The following ATXN7L1 variants were observed in gnomAD, a reference collection of about 807,000 sequenced individuals.
ATXN7L1 encodes ataxin 7 like 1.
Under a neutral mutation model 70.8 loss-of-function variants are expected in ATXN7L1, and 15 were observed. The observed-to-expected ratio is 0.21, with a 90% CI of 0.14 to 0.33. The LOEUF is 0.33. ATXN7L1 is among the 10% of genes least tolerant of loss of function. The pLI is 1.00. For missense variants in ATXN7L1, 975 were observed against 1,097.1 expected, an observed-to-expected ratio of 0.89 and a Z score of 1.57; for synonymous variants, 440 against 445.1, an observed-to-expected ratio of 0.99 and a Z score of 0.14.
chr7:105,611,928 C>T (rs1319004590), intron 10 of ATXN7L1, among the ~76,000 whole-genome samples: 1 of 152,212 alleles, frequency 6.6e-6, no homozygotes, highest in Non-Finnish European at 1.5e-5. Context: ...TGACAAGCAC[C>T]GAGGTATCAC....
intron 2 of ATXN7L1, among the ~76,000 whole-genome samples, chr7:105,806,153 T>C (rs1299775517): frequency 1.3e-5 from 2 of 152,082 alleles, no homozygotes; most frequent in Non-Finnish European, 1.5e-5. Flanking sequence ...GCAGGTTACA[T>C]GGTGCTAGAG....
rs183288712 is a variant in ATXN7L1, at chr7:105,840,525, C to T, written c.250+35287G>A. 8.5e-5 allele frequency among the ~76,000 whole-genome samples: 13 copies of T among 152,282 alleles called. 1 individual carries two copies. The highest frequency in any genetic ancestry group is 8.5e-4 in the Admixed American group (13 of 15,302). On this transcript the variant is annotated intron_variant, in intron 2 of 11. Coordinates refer to ENST00000419735, the MANE Select transcript of ATXN7L1 (RefSeq NM_020725.2). ...TCTTCTGCCACATTTTCTGAACCTT[C>T]CTGATTCTCAGATTCACCAGTGCCA...
At chr7:105,771,204 A>G (rs748590556) in intron 3 of ATXN7L1, among the ~76,000 whole-genome samples, 1 of 67,550 alleles carries the variant, frequency 1.5e-5, no homozygotes, top group Admixed American at 1.8e-4. Context: ...CGTCTCTGAT[A>G]ATAATAATAA....
At chr7:105,621,604 A>G (rs1794943692) in intron 8 of ATXN7L1, among the ~76,000 whole-genome samples, 1 of 152,252 alleles carries the variant, frequency 6.6e-6, no homozygotes, top group Non-Finnish European at 1.5e-5. Flanking sequence ...TAAACATTTG[A>G]TTATGATGTT....
chr7:105,690,115 C>T (rs544587323), intron 3 of ATXN7L1, among the ~76,000 whole-genome samples: 4 of 152,234 alleles, frequency 2.6e-5, no homozygotes, highest in Non-Finnish European at 4.4e-5. Context: ...AACAATTCTC[C>T]TGCCTCAGCC....
chr7:105,733,533 T>TCCATCCATCCATCCATCCACCCATCCAC (rs1796844382), intron 3 of ATXN7L1, among the ~76,000 whole-genome samples: 1 of 104,134 alleles, frequency 9.6e-6, no homozygotes, highest in African/African-American at 4.7e-5. Flanking sequence ...CATCCATCCA[T>TCCATCCATCCATCCATCCACCCATCCAC]CCATCCACCC....
At chr7:105,707,629 A>G (rs1449110762) in intron 3 of ATXN7L1, among the ~76,000 whole-genome samples, 1 of 152,178 alleles carries the variant, frequency 6.6e-6, no homozygotes, top group South Asian at 2.1e-4. Flanking sequence ...TTGGCCTTAA[A>G]AGAGCAACAA....
chr7:105,612,957 G>T (rs540742758), intron 10 of ATXN7L1, among the ~76,000 whole-genome samples: 1 of 152,298 alleles, frequency 6.6e-6, no homozygotes, highest in African/African-American at 2.4e-5. Context: ...TGCCCTGATG[G>T]GTCTAGGCTC....
chr7:105,674,550 C>T (rs1804319883), intron 3 of ATXN7L1, among the ~76,000 whole-genome samples: 1 of 152,158 alleles, frequency 6.6e-6, no homozygotes, highest in African/African-American at 2.4e-5. Context: ...TCACGCAGAC[C>T]TCAGCAGCTG....
chr7:105,720,560 A>G (rs1453384019), intron 3 of ATXN7L1, among the ~76,000 whole-genome samples: 1 of 152,174 alleles, frequency 6.6e-6, no homozygotes. Flanking sequence ...TTGGGACTAC[A>G]GGCATGTGCC....
intron 3 of ATXN7L1, among the ~76,000 whole-genome samples, chr7:105,764,040 G>T (rs746305758): frequency 6.6e-6 from 1 of 152,134 alleles, no homozygotes; most frequent in Non-Finnish European, 1.5e-5. Flanking sequence ...TTTTAGTAGA[G>T]ATGGGGTTTC....
chr7:105,716,223 T>A (rs984543268), intron 3 of ATXN7L1, among the ~76,000 whole-genome samples: 3 of 152,144 alleles, frequency 2.0e-5, no homozygotes, highest in African/African-American at 7.2e-5. Context: ...ATTATATAAA[T>A]TCATTATATA....
At chr7:105,871,636 C>T (rs757709087) in intron 2 of ATXN7L1, among the ~76,000 whole-genome samples, 6 of 151,074 alleles carry the variant, frequency 4.0e-5, no homozygotes, top group Non-Finnish European at 8.8e-5. Context: ...CTTGAACCCA[C>T]GAGGTGGAGG....
intron 2 of ATXN7L1, among the ~76,000 whole-genome samples, chr7:105,872,892 T>C (rs1275819015): frequency 2.0e-5 from 3 of 150,156 alleles, no homozygotes; most frequent in South Asian, 4.2e-4. Context: ...CGGTGGCTCA[T>C]GCCTGTAATC....
intron 2 of ATXN7L1, among the ~76,000 whole-genome samples, chr7:105,837,470 G>T (rs906926132): frequency 6.6e-6 from 1 of 151,978 alleles, no homozygotes; most frequent in African/African-American, 2.4e-5. Context: ...AAAAAAGTGG[G>T]CATCTTAGAA....
chr7:105,876,292 TCA>T, intron 1 of ATXN7L1, 84 bp downstream of exon 1: 12 of 1,420,484 alleles, frequency 8.4e-6, no homozygotes, highest in African/African-American at 1.4e-5. Flanking sequence ...ACTCTCTCTC[TCA>T]CACACACACT....
intron 2 of ATXN7L1, among the ~76,000 whole-genome samples, chr7:105,812,274 T>C (rs924851864): frequency 5.3e-5 from 8 of 152,240 alleles, no homozygotes; most frequent in African/African-American, 1.7e-4. Flanking sequence ...TTCTGGCAGC[T>C]ACCGTATTAA....
chr7:105,859,007 C>T lies in ATXN7L1; in HGVS notation c.250+16805G>A, dbSNP rs530493089. ...ATAACAACCAAATGCAGTACATGAA[C>T]CATAACAGGATCTAGTTTGAAAAAT... is the stretch of plus-strand genomic sequence containing the variant. On this transcript the variant is annotated intron_variant, in intron 2 of 11. Transcript: ENST00000419735. 5.9e-5 allele frequency among the ~76,000 whole-genome samples: 9 copies of T among 151,786 alleles called. No homozygotes were observed. The South Asian group carries it at 1.9e-3, about 32-fold the overall frequency.
chr7:105,698,859 A>G (rs1383667993), intron 3 of ATXN7L1, among the ~76,000 whole-genome samples: 1 of 152,190 alleles, frequency 6.6e-6, no homozygotes, highest in Non-Finnish European at 1.5e-5. Context: ...AAACTTTGCT[A>G]TGTGTTTTAA....
Sources: allele counts gnomAD v4.1 joint callset (sites outside exome capture counted in the v4.1 genomes callset), GRCh38; gene constraint gnomAD v4.1.1; transcripts MANE v1.5; gene names NCBI Gene and HGNC (gene_info 2026-07-23, HGNC 2026-07-21).